The following STIM2 variants were observed in gnomAD, a reference collection of about 807,000 sequenced individuals.
The protein encoded by STIM2 is stromal interaction molecule 2.
A neutral mutation model predicts 85.8 loss-of-function variants in STIM2; 31 were observed. That is an observed-to-expected ratio of 0.36 (90% CI 0.27 to 0.49). The LOEUF (loss-of-function observed/expected upper bound fraction) is 0.49. Among genes scored for constraint, STIM2 ranks in the 20% least tolerant of loss-of-function variants. STIM2 has a pLI of 0.98. For missense variants in STIM2, 841 were observed against 927.6 expected, an observed-to-expected ratio of 0.91 and a Z score of 1.21; for synonymous variants, 356 against 331.1, an observed-to-expected ratio of 1.08 and a Z score of -0.82.
At chr4:26,977,123 C>T (rs952446925) in intron 3 of STIM2, among the ~76,000 whole-genome samples, 2 of 152,108 alleles carry the variant, frequency 1.3e-5, no homozygotes, top group Non-Finnish European at 2.9e-5. Context: ...CAGAGTGGCG[C>T]TAGAGGGTGA....
At chr4:26,975,925 G>C (rs1029861783) in intron 3 of STIM2, among the ~76,000 whole-genome samples, 1 of 152,228 alleles carries the variant, frequency 6.6e-6, no homozygotes, top group African/African-American at 2.4e-5. Context: ...CTACCAGGCT[G>C]CTTTGTTTAC....
rs1402287719 is a variant in STIM2, at chr4:26,861,250, C to G, written c.32C>G (p.Ala11Gly). Residue 11 changes from alanine to glycine, a missense_variant, in exon 1 of 12, where the codon GCG (alanine) becomes GGG (glycine). Transcript: ENST00000467087. ...GTGCTCGGGCTGCTGGTAGCCGGAG[C>G]GGCGGACGGATGCGAGCTTGTGCCC... is the stretch of plus-strand genomic sequence containing the variant. 1 of 1,484,736 alleles carries G rather than the reference C, an allele frequency of 6.7e-7. No individual in the cohort carries two copies. The highest frequency in any genetic ancestry group is 1.4e-5 in the African/African-American group (1 of 69,096). The allele number at this position is 1,484,736 out of a possible 1,614,324, so 92.0% of individuals were successfully genotyped here. A position where few individuals can be genotyped will look rare whatever the true frequency, so the allele number is the denominator to read the frequency against.
chr4:26,984,644 C>G (rs1727515807), intron 3 of STIM2, among the ~76,000 whole-genome samples: 1 of 152,204 alleles, frequency 6.6e-6, no homozygotes, highest in South Asian at 2.1e-4. Context: ...GGATTACAGG[C>G]GTGAGCCACT....
intron 2 of STIM2, among the ~76,000 whole-genome samples, chr4:26,940,212 G>A (rs1298637303): frequency 6.6e-6 from 1 of 152,102 alleles, no homozygotes; most frequent in Non-Finnish European, 1.5e-5. Context: ...AAAAGAACCT[G>A]CTTGGTTTTC....
At chr4:26,991,595 A>G (rs1461456343) in intron 3 of STIM2, among the ~76,000 whole-genome samples, 3 of 152,146 alleles carry the variant, frequency 2.0e-5, no homozygotes, top group African/African-American at 7.2e-5. Flanking sequence ...ACATGGAGAA[A>G]AGATAAATGT....
chr4:26,950,156 A>G (rs1372464415), intron 2 of STIM2, among the ~76,000 whole-genome samples: 1 of 152,198 alleles, frequency 6.6e-6, no homozygotes, highest in African/African-American at 2.4e-5. Flanking sequence ...TTAGAGCTCT[A>G]GTATCAAAAA....
intron 2 of STIM2, among the ~76,000 whole-genome samples, chr4:26,921,815 A>T (rs1353683603): frequency 2.0e-5 from 3 of 152,184 alleles, no homozygotes; most frequent in African/African-American, 7.2e-5. Context: ...AGTGATTTCT[A>T]ATTGCTTATT....
intron 1 of STIM2, among the ~76,000 whole-genome samples, chr4:26,883,004 A>ATTTTTTTTT: frequency 7.2e-6 from 1 of 139,290 alleles, no homozygotes; most frequent in South Asian, 2.3e-4. Context: ...TACCTGGCTA[A>ATTTTTTTTT]TTTTTTTTTT....
intron 1 of STIM2, among the ~76,000 whole-genome samples, chr4:26,904,801 A>G (rs534537569): frequency 6.6e-6 from 1 of 150,478 alleles, no homozygotes; most frequent in East Asian, 1.9e-4. Context: ...AAAGCCCAGC[A>G]TGTTTATATG....
chr4:27,005,785 G>T (rs1728313137), intron 7 of STIM2, among the ~76,000 whole-genome samples: 1 of 152,176 alleles, frequency 6.6e-6, no homozygotes, highest in Admixed American at 6.5e-5. Flanking sequence ...CTAAAAATAT[G>T]TAAGTAGTTT....
Position 26,860,846 on chromosome 4 carries a change from A to G in STIM2, c.-373A>G. 1 of 696,586 alleles carries G rather than the reference A, an allele frequency of 1.4e-6. No homozygotes were observed. The allele number at this position is 696,586 out of a possible 1,614,324, so 43.2% of individuals were successfully genotyped here. On this transcript the variant is annotated 5_prime_UTR_variant, in exon 1 of 12. Transcript: ENST00000467087. ...GGTTGGTGTTTGGCGGCGCCAGAGC[A>G]GCGGATCCCGGTCTCGCCGCAGCAG...
chr4:26,981,720 A>G (rs560752101), intron 3 of STIM2, among the ~76,000 whole-genome samples: 2 of 152,328 alleles, frequency 1.3e-5, no homozygotes, highest in South Asian at 4.1e-4. Context: ...GTAATCTTCA[A>G]AAACATCACT....
At chr4:26,912,719 T>G (rs865941948) in intron 1 of STIM2, among the ~76,000 whole-genome samples, 13 of 152,254 alleles carry the variant, frequency 8.5e-5, no homozygotes, top group African/African-American at 2.7e-4. Flanking sequence ...CACTATCATT[T>G]CTATAGTTTA....
At chr4:26,923,123 C>T (rs1030791439) in intron 2 of STIM2, among the ~76,000 whole-genome samples, 6 of 151,234 alleles carry the variant, frequency 4.0e-5, no homozygotes, top group South Asian at 2.1e-4. Context: ...CACACTGACA[C>T]GTCACACGGC....
At chr4:26,970,948 G>A (rs928225304) in intron 3 of STIM2, among the ~76,000 whole-genome samples, 1 of 152,162 alleles carries the variant, frequency 6.6e-6, no homozygotes, top group Non-Finnish European at 1.5e-5. Context: ...ATTGGCATGA[G>A]ATGGTATCTC....
intron 2 of STIM2, among the ~76,000 whole-genome samples, chr4:26,939,879 T>C (rs1212169555): frequency 6.6e-6 from 1 of 152,176 alleles, no homozygotes. Flanking sequence ...ATGAGTTAAC[T>C]GTCTAGTAGG....
intron 1 of STIM2, chr4:26,873,933 G>T (rs1291861775): frequency 1.5e-6 from 2 of 1,351,116 alleles, no homozygotes; most frequent in Admixed American, 3.8e-5. Context: ...CCAGACAGCT[G>T]GGTGCTCTTC....
chr4:26,916,314 C>T (rs901888172), intron 1 of STIM2, among the ~76,000 whole-genome samples: 1 of 152,190 alleles, frequency 6.6e-6, no homozygotes, highest in Non-Finnish European at 1.5e-5. Context: ...CAACTCCTGT[C>T]TTTCCTCTGC....
At chr4:26,950,971 C>T (rs1726028108) in intron 2 of STIM2, among the ~76,000 whole-genome samples, 1 of 151,994 alleles carries the variant, frequency 6.6e-6, no homozygotes, top group Admixed American at 6.6e-5. Flanking sequence ...GAAACAAATT[C>T]CAGAGTGATC....
Sources: allele counts gnomAD v4.1 joint callset (sites outside exome capture counted in the v4.1 genomes callset), GRCh38; gene constraint gnomAD v4.1.1; transcripts MANE v1.5; gene names NCBI Gene and HGNC (gene_info 2026-07-23, HGNC 2026-07-21).